The following ROBO3 variants were observed in gnomAD, a reference collection of about 807,000 sequenced individuals.
ROBO3 encodes roundabout guidance receptor 3.
ROBO3 carries 97 observed loss-of-function variants against 160.5 expected under a neutral mutation model. The observed-to-expected ratio is 0.60, with a 90% CI of 0.51 to 0.72. The LOEUF (loss-of-function observed/expected upper bound fraction) is 0.72. Ranked by LOEUF, ROBO3 falls within the 30% of genes least tolerant of loss-of-function variation. The pLI is 0.00. For missense variants in ROBO3, 1,858 were observed against 1,846.5 expected (o/e 1.01, Z -0.11); for synonymous variants, 780 against 746.2 (o/e 1.05, Z -0.74).
At chr11:124,879,104 GTTGA>G in intron 23 of ROBO3, 82 bp from the exon 24 acceptor site, 1 of 1,425,986 alleles carries the variant, frequency 7.0e-7, no homozygotes, top group East Asian at 2.5e-5. Context: ...TATCTGTTAG[GTTGA>G]TTGTCTAGCA....
Position 124,870,212 on chromosome 11 carries a change from G to A in ROBO3, c.814G>A (p.Asp272Asn), listed in dbSNP as rs777818035. 1 of 1,614,068 alleles carries A rather than the reference G, an allele frequency of 6.2e-7. No homozygotes were observed. Reference protein sequence around the residue: ...RRPVNQVVLADAPVTFLCEVK... With the variant: ...RRPVNQVVLANAPVTFLCEVK... ...ACCAGTGAATCAGGTGGTCCTGGCT[G>A]ATGCCCCTGTGACTTTCCTATGTGA... The change falls in exon 5 of 28, where the codon GAT becomes AAT. Residue 272 changes from aspartate to asparagine, a missense_variant. Transcript: ENST00000397801.
chr11:124,870,817 G>C, intron 6 of ROBO3, 89 bp downstream of exon 6: 1 of 1,561,094 alleles, frequency 6.4e-7, no homozygotes, highest in Non-Finnish European at 8.7e-7. Flanking sequence ...AGAAAGGGCA[G>C]AGAAGGGCAT....
chr11:124,875,423 G>A, intron 14 of ROBO3, 87 bp downstream of exon 14: 9 of 1,580,366 alleles, frequency 5.7e-6, no homozygotes, highest in African/African-American at 1.3e-5. Flanking sequence ...TTTGCAGGAG[G>A]AGAGCAGGGT....
Position 124,869,241 on chromosome 11 carries a change from C to T in ROBO3, c.487+113C>T. The T allele has an allele frequency of 8.0e-7, 1 of 1,257,120 alleles. No individual in the cohort carries two copies. The highest frequency in any genetic ancestry group is 1.1e-6 in the Non-Finnish European group (1 of 894,038). 77.9% of individuals were successfully genotyped at this position (1,257,120 alleles called of 1,614,324 possible). On this transcript the variant is annotated intron_variant, in intron 2 of 27. Coordinates refer to ENST00000397801, the MANE Select transcript of ROBO3 (RefSeq NM_022370.4). The surrounding 1 kb of genome is among the most constrained non-coding windows in gnomAD (Gnocchi z 4.2). ...AAAGGACTTCAGCCCACTCAGCATC[C>T]TTCTTTGGGACCGCGACCTTTGATC...
intron 6 of ROBO3, 121 bp downstream of exon 6, chr11:124,870,849 T>A: frequency 5.2e-6 from 8 of 1,525,938 alleles, no homozygotes; most frequent in Non-Finnish European, 7.1e-6. Context: ...ACCTGAGACT[T>A]CTGCAAGGAG....
intron 1 of ROBO3, 97 bp from the exon 2 acceptor site, chr11:124,868,705 G>T: frequency 8.1e-7 from 1 of 1,237,876 alleles, no homozygotes; most frequent in Non-Finnish European, 1.2e-6. Flanking sequence ...AGAAGCATAG[G>T]AGATGGAACG....
rs1399256156 is a variant in ROBO3, at chr11:124,872,506, T to C, written c.1284T>C (p.Ser428=). The C allele has an allele frequency of 1.9e-6, 3 of 1,613,958 alleles. No homozygotes were observed. Among genetic ancestry groups the C allele is most frequent in the South Asian group, 1.1e-5 (1 of 91,078 alleles). Residue 428 remains serine (S), a synonymous_variant, in exon 8 of 28, where the codon AGT becomes AGC. Transcript: ENST00000397801. The surrounding 1 kb of genome is among the most constrained non-coding windows in gnomAD (Gnocchi z 4.3). ...GGTACTACGTGTGCCAGGCTGTCAGTGTGGCTGGCAGCATCCTGGCCAAGG... is the reference window on the plus strand; with the variant it reads ...GGTACTACGTGTGCCAGGCTGTCAGCGTGGCTGGCAGCATCCTGGCCAAGG... The part of the protein sequence containing the change: ...DAGYYVCQAV[S]VAGSILAKAL...
rs545476633 is a variant in ROBO3, at chr11:124,871,264, G to A, written c.1158+126G>A. ...TCTTTGGGAGCCCCCAGAAACCCTT[G>A]CAGGTTATTTGAGAGGATTAAGTAA... On this transcript the variant is annotated intron_variant, in intron 7 of 27. Transcript: ENST00000397801. The A allele has an allele frequency of 1.2e-5, 14 of 1,187,968 alleles. 1 individual carries two copies. The African/African-American group carries it at 1.9e-4, about 16-fold the overall frequency. 73.6% of individuals were successfully genotyped at this position (1,187,968 alleles called of 1,614,324 possible).
At chr11:124,875,359 T>A (rs529268162) in intron 14 of ROBO3, 23 bp downstream of exon 14, 19 of 1,325,354 alleles carry the variant, frequency 1.4e-5, no homozygotes, top group Non-Finnish European at 1.9e-5. Flanking sequence ...ACCGAACAGA[T>A]GGATGGACAA....
In ROBO3 at chr11:124,880,570, C is replaced by T. The variant is rs532237158; in HGVS notation, c.4111C>T (p.Arg1371Trp). ...PGRSRSRSQS[R>W]SQSQRPGQKR... ...CCGGAGCCGGAGTCGGAGTCAGAGC[C>T]GGAGCCAGAGCCAAAGGCCAGGACA... Residue 1371 changes from arginine (R) to tryptophan (W), a missense_variant, in exon 27 of 28, where the codon CGG becomes TGG. Transcript: ENST00000397801. The T allele has an allele frequency of 1.5e-5, 23 of 1,552,654 alleles. No individual in the cohort carries two copies. Among genetic ancestry groups the T allele is most frequent in the Admixed American group, 3.9e-5 (2 of 51,192 alleles).
chr11:124,865,866 G>A lies in ROBO3; in HGVS notation c.160+129G>A. The A allele has an allele frequency of 1.9e-6, 2 of 1,051,582 alleles. No homozygotes were observed. Among genetic ancestry groups the A allele is most frequent in the South Asian group, 3.3e-5 (2 of 60,822 alleles). The allele number at this position is 1,051,582 out of a possible 1,614,324, so 65.1% of individuals were successfully genotyped here. On this transcript the variant is annotated intron_variant, in intron 1 of 27. Transcript: ENST00000397801. This position sits in a 1 kb window ranked among gnomAD's most constrained non-coding sequence, Gnocchi z 5.5. ...GAGTGGCGCCTCCCAGCGCCTCCCTGGGTCGTGGGGTCTAAGGGATAATTT... is the reference window on the plus strand; with the variant it reads ...GAGTGGCGCCTCCCAGCGCCTCCCTAGGTCGTGGGGTCTAAGGGATAATTT...
In ROBO3 at chr11:124,872,236, T is replaced by A. The variant is rs1946287565; in HGVS notation, c.1159-145T>A. 1 of 737,846 alleles carries A rather than the reference T, an allele frequency of 1.4e-6. No individual in the cohort carries two copies. The highest frequency in any genetic ancestry group is 2.2e-5 in the Admixed American group (1 of 45,998). 45.7% of individuals were successfully genotyped at this position (737,846 alleles called of 1,614,324 possible). A position where few individuals can be genotyped will look rare whatever the true frequency, so the allele number is the denominator to read the frequency against. On this transcript the variant is annotated intron_variant, in intron 7 of 27. Coordinates refer to ENST00000397801, the MANE Select transcript of ROBO3 (RefSeq NM_022370.4). This position sits in a 1 kb window ranked among gnomAD's most constrained non-coding sequence, Gnocchi z 4.3. ...GTTTTTGTGAATACATTTAACTACT[T>A]TGCCCAAGTTCACATCACTGCTGGA...
rs749067643 is a variant in ROBO3 at position 124,879,476 on chromosome 11, C to T, written c.3697C>T (p.Gln1233Ter). The T allele has an allele frequency of 6.2e-7, 1 of 1,613,778 alleles. No individual in the cohort carries two copies. Among genetic ancestry groups the T allele is most frequent in the South Asian group, 1.1e-5 (1 of 91,030 alleles). Reference sequence around the variant, plus strand: ...TCCTAACACTGCAGGCAGAACCTGGCAGGGGAATGGGGAGATGACTCCCCC... The same window carrying T: ...TCCTAACACTGCAGGCAGAACCTGGTAGGGGAATGGGGAGATGACTCCCCC... ...TASSAPGRTW[Q>*]GNGEMTPPLQ... Residue 1233 changes from glutamine to a stop codon, truncating the protein, a stop_gained, in exon 25 of 28, where the codon CAG (glutamine) becomes TAG (stop). Transcript: ENST00000397801. LOFTEE classifies it high-confidence loss of function.
At chr11:124,879,666 A>T in intron 25 of ROBO3, 91 bp downstream of exon 25, 1 of 1,525,338 alleles carries the variant, frequency 6.6e-7, no homozygotes, top group Non-Finnish European at 9.0e-7. Flanking sequence ...GGAGGAGGGA[A>T]CAGGTGAACC....
In ROBO3 at chr11:124,878,439, A is replaced by G; in HGVS notation, c.3320+3A>G. On this transcript the variant is annotated splice_donor_region_variant and intron_variant, in intron 22 of 27. Coordinates refer to ENST00000397801, the MANE Select transcript of ROBO3 (RefSeq NM_022370.4). This position sits in a 1 kb window ranked among gnomAD's most constrained non-coding sequence, Gnocchi z 4.3. ...CCGGAGGAGGAGCTGGAGGGCAGGT[A>G]GAGATGCTCCCTGCTTCCAGGCCCA... The G allele has an allele frequency of 6.2e-7, 1 of 1,612,004 alleles. No individual in the cohort carries two copies. Among genetic ancestry groups the G allele is most frequent in the Non-Finnish European group, 8.5e-7 (1 of 1,178,614 alleles).
chr11:124,876,554 G>C lies in ROBO3; in HGVS notation c.2779+94G>C. 8.8e-7 allele frequency: 1 copy of C among 1,130,290 alleles called. No individual in the cohort carries two copies. The highest frequency in any genetic ancestry group is 1.2e-6 in the Non-Finnish European group (1 of 866,136). 70.0% of individuals were successfully genotyped at this position (1,130,290 alleles called of 1,614,324 possible). ...CTTAGCCGCTGGCGAGTGAGGACCG[G>C]GTCGGGAGAAAGGGGTCGCACCTGG... On this transcript the variant is annotated intron_variant, in intron 17 of 27. Coordinates refer to ENST00000397801, the MANE Select transcript of ROBO3 (RefSeq NM_022370.4). The surrounding 1 kb of genome is among the most constrained non-coding windows in gnomAD (Gnocchi z 5.3).
Position 124,873,190 on chromosome 11 carries a change from C to A in ROBO3, c.1536+101C>A, listed in dbSNP as rs1420505127. 3 of 1,418,922 alleles carry A rather than the reference C, an allele frequency of 2.1e-6. No homozygotes were observed. The highest frequency in any genetic ancestry group is 1.4e-5 in the African/African-American group (1 of 70,870). 87.9% of individuals were successfully genotyped at this position (1,418,922 alleles called of 1,614,324 possible). ...CTGGGCCTGTAGCCCCATCTTTACC[C>A]CTCTGTTCTCTCAGAGCACCTAGTA... On this transcript the variant is annotated intron_variant, in intron 9 of 27. Transcript: ENST00000397801. This position sits in a 1 kb window ranked among gnomAD's most constrained non-coding sequence, Gnocchi z 4.5.
In ROBO3 at chr11:124,876,476, C is replaced by A; in HGVS notation, c.2779+16C>A. 7.3e-7 allele frequency: 1 copy of A among 1,367,354 alleles called. No homozygotes were observed. Among genetic ancestry groups the A allele is most frequent in the Non-Finnish European group, 9.4e-7 (1 of 1,065,294 alleles). 84.7% of individuals were successfully genotyped at this position (1,367,354 alleles called of 1,614,324 possible). ...CACTACACGGGTGAGCTCCCGGCCT[C>A]GGAGCGGACGGATCCGGGAGGGAGC... On this transcript the variant is annotated intron_variant, in intron 17 of 27. Transcript: ENST00000397801. This position sits in a 1 kb window ranked among gnomAD's most constrained non-coding sequence, Gnocchi z 5.3.
In ROBO3 at chr11:124,873,470, A is replaced by T; in HGVS notation, c.1618+79A>T. 2 of 1,249,740 alleles carry T rather than the reference A, an allele frequency of 1.6e-6. No homozygotes were observed. The highest frequency in any genetic ancestry group is 3.9e-5 in the Admixed American group (2 of 50,796). 77.4% of individuals were successfully genotyped at this position (1,249,740 alleles called of 1,614,324 possible). On this transcript the variant is annotated intron_variant, in intron 10 of 27. Coordinates refer to ENST00000397801, the MANE Select transcript of ROBO3 (RefSeq NM_022370.4). This position sits in a 1 kb window ranked among gnomAD's most constrained non-coding sequence, Gnocchi z 4.5. ...TCAACAGGTAGTCGATACCTCCTCA[A>T]ACTCCGGGATTAACTTTATGTCACA... is the stretch of plus-strand genomic sequence containing the variant.
Sources: allele counts gnomAD v4.1 joint callset, GRCh38; gene constraint gnomAD v4.1.1; non-coding constraint Gnocchi (gnomAD v3.1); transcripts MANE v1.5; gene names NCBI Gene and HGNC (gene_info 2026-07-23, HGNC 2026-07-21).